The following RPS6KA2 variants were observed in gnomAD, a reference collection of about 807,000 sequenced individuals.
The protein encoded by RPS6KA2 is ribosomal protein S6 kinase A2, also known as ribosomal protein S6 kinase alpha-2.
A neutral mutation model predicts 91.8 loss-of-function variants in RPS6KA2; 42 were observed. The ratio of observed to expected loss-of-function variants is 0.46; its 90% CI spans 0.36 to 0.59. RPS6KA2 has a LOEUF of 0.59. Ranked by LOEUF, RPS6KA2 falls within the 20% of genes least tolerant of loss-of-function variation. The pLI is 0.00. For synonymous variants in RPS6KA2, 414 were observed against 393.6 expected (o/e 1.05, Z -0.61); for missense variants, 798 against 978.5 (o/e 0.82, Z 2.46).
intron 1 of RPS6KA2, among the ~76,000 whole-genome samples, chr6:166,562,979 G>A (rs1784386958): frequency 6.6e-6 from 1 of 152,238 alleles, no homozygotes; most frequent in South Asian, 2.1e-4. Context: ...AGACTGAGAA[G>A]GCGGCCGAGC....
intron 2 of RPS6KA2, among the ~76,000 whole-genome samples, chr6:166,761,669 CTAGTAGTTCACTTCCA>C (rs1450843247): frequency 1.4e-4 from 21 of 152,232 alleles, no homozygotes; most frequent in African/African-American, 4.8e-4. Context: ...TCTGAAAAAC[CTAGTAGTTCACTTCCA>C]TATCTTTGGA....
chr6:166,646,335 G>A (rs537094296), intron 2 of RPS6KA2, among the ~76,000 whole-genome samples: 5 of 152,290 alleles, frequency 3.3e-5, no homozygotes, highest in Admixed American at 1.3e-4. Context: ...GGACCCACAC[G>A]CCCACACGGC....
intron 7 of RPS6KA2, among the ~76,000 whole-genome samples, chr6:166,499,880 T>C (rs1781963239): frequency 6.6e-6 from 1 of 152,086 alleles, no homozygotes; most frequent in South Asian, 2.1e-4. Flanking sequence ...TACAGGGACT[T>C]TCAGAACAGA....
chr6:166,693,894 G>A (rs1789285646), intron 2 of RPS6KA2, among the ~76,000 whole-genome samples: 1 of 152,208 alleles, frequency 6.6e-6, no homozygotes, highest in African/African-American at 2.4e-5. Flanking sequence ...GTTTGCTGGT[G>A]AAGGCCAGAA....
intron 2 of RPS6KA2, among the ~76,000 whole-genome samples, chr6:166,814,807 G>A (rs1779720921): frequency 6.6e-6 from 1 of 152,158 alleles, no homozygotes; most frequent in Non-Finnish European, 1.5e-5. Context: ...CCCCCAGATG[G>A]GACCGTCTAG....
In RPS6KA2 at chr6:166,510,319, A is replaced by G; in HGVS notation, c.337T>C (p.Leu113=). 6.2e-7 allele frequency: 1 copy of G among 1,603,014 alleles called. No homozygotes were observed. Among genetic ancestry groups the G allele is most frequent in the Non-Finnish European group, 8.5e-7 (1 of 1,173,324 alleles). Residue 113 remains leucine, a synonymous_variant, in exon 4 of 21, where the codon TTG becomes CTG. Transcript: ENST00000265678. ...RVRSKMERDI[L]AEVNHPFIVK... ...ATGAAGGGGTGATTCACTTCTGCCA[A>G]GATGTCTCTCTCCATCTTCGATCTC... is the stretch of plus-strand genomic sequence containing the variant.
Position 166,665,943 on chromosome 6 carries a change from T to C in RPS6KA2, c.124-127159A>G, listed in dbSNP as rs1322665503. Among the ~76,000 whole-genome samples, 2 of 152,200 alleles carry C rather than the reference T, an allele frequency of 1.3e-5. No homozygotes were observed. The highest frequency in any genetic ancestry group is 1.3e-4 in the Admixed American group (2 of 15,274). On this transcript the variant is annotated intron_variant, in intron 2 of 21. Coordinates refer to the RPS6KA2 transcript ENST00000503859. The surrounding 1 kb of genome is among the most constrained non-coding windows in gnomAD (Gnocchi z 4.5). ...CCAGTTTCTGAGAGGCTCAGGAGCC[T>C]TCTTTGACATCATGATGATGAACCC...
At chr6:166,803,531 C>G (rs1027687202) in intron 2 of RPS6KA2, among the ~76,000 whole-genome samples, 1 of 152,348 alleles carries the variant, frequency 6.6e-6, no homozygotes, top group Admixed American at 6.5e-5. Flanking sequence ...TTTAGAGCCC[C>G]GGAAATCCCG....
rs550769610 is a variant in RPS6KA2, at chr6:166,439,596, C to T, written c.1333-7106G>A. Reference sequence around the variant, plus strand: ...CCTGGAGTGGCTGCCCTCACAGGGCCGTGCACACAGACAGTGAACAACCCA... The same window carrying T: ...CCTGGAGTGGCTGCCCTCACAGGGCTGTGCACACAGACAGTGAACAACCCA... On this transcript the variant is annotated intron_variant, in intron 14 of 20. Coordinates refer to ENST00000265678, the MANE Select transcript of RPS6KA2 (RefSeq NM_021135.6). Among the ~76,000 whole-genome samples the T allele has an allele frequency of 5.7e-4, 87 of 152,260 alleles. 1 individual carries two copies. The highest frequency in any genetic ancestry group is 1.7e-3 in the African/African-American group (69 of 41,538).
chr6:166,513,655 G>A (rs939522304), intron 3 of RPS6KA2, among the ~76,000 whole-genome samples: 15 of 152,314 alleles, frequency 9.8e-5, no homozygotes, highest in African/African-American at 3.4e-4. Context: ...GGGCAGCATG[G>A]ACTGTGGCAC....
chr6:166,638,430 C>G (rs1787318021), intron 2 of RPS6KA2, among the ~76,000 whole-genome samples: 1 of 152,130 alleles, frequency 6.6e-6, no homozygotes, highest in African/African-American at 2.4e-5. Flanking sequence ...AGTGACCAAG[C>G]AGATAAAAAA....
chr6:166,752,269 A>G (rs1050845207), intron 2 of RPS6KA2, among the ~76,000 whole-genome samples: 1 of 152,232 alleles, frequency 6.6e-6, no homozygotes, highest in African/African-American at 2.4e-5. Flanking sequence ...ACACAGAGTG[A>G]ACAGCCTCTG....
chr6:166,658,700 T>G (rs955986481), intron 2 of RPS6KA2, among the ~76,000 whole-genome samples: 1 of 152,204 alleles, frequency 6.6e-6, no homozygotes, highest in Non-Finnish European at 1.5e-5. Flanking sequence ...AGGGTTCGCC[T>G]GTGCAATTCA....
chr6:166,475,617 G>T (rs1780944314), intron 10 of RPS6KA2: 1 of 322,900 alleles, frequency 3.1e-6, no homozygotes, highest in Non-Finnish European at 6.5e-6. Context: ...CTGGAGGTCA[G>T]TGGCAGTGCC....
At chr6:166,467,087 C>T (rs1780562321) in intron 11 of RPS6KA2, among the ~76,000 whole-genome samples, 1 of 151,972 alleles carries the variant, frequency 6.6e-6, no homozygotes, top group African/African-American at 2.4e-5. Flanking sequence ...CACTCCCTCA[C>T]TCATTCACTC....
intron 2 of RPS6KA2, among the ~76,000 whole-genome samples, chr6:166,845,518 A>G (rs1780582770): frequency 6.6e-6 from 1 of 152,202 alleles, no homozygotes; most frequent in Non-Finnish European, 1.5e-5. Context: ...GTACTCTCTC[A>G]GACCACAGTG....
chr6:166,501,060 G>A (rs1298775867), intron 6 of RPS6KA2, 136 bp from the exon 7 acceptor site: 6 of 714,012 alleles, frequency 8.4e-6, no homozygotes, highest in Non-Finnish European at 1.4e-5. Context: ...TGGCCCAGGA[G>A]ATCCCCACGG....
intron 1 of RPS6KA2, among the ~76,000 whole-genome samples, chr6:166,556,981 C>A (rs1165501776): frequency 6.6e-6 from 1 of 152,230 alleles, no homozygotes; most frequent in East Asian, 1.9e-4. Flanking sequence ...GTGTTCTGGC[C>A]AAGTCCACGA....
chr6:166,512,103 A>T (rs1782494177), intron 3 of RPS6KA2, among the ~76,000 whole-genome samples: 1 of 152,144 alleles, frequency 6.6e-6, no homozygotes, highest in Admixed American at 6.5e-5. Flanking sequence ...ACACACATAC[A>T]CAAACACACA....
Sources: allele counts gnomAD v4.1 joint callset (sites outside exome capture counted in the v4.1 genomes callset), GRCh38; gene constraint gnomAD v4.1.1; non-coding constraint Gnocchi (gnomAD v3.1); transcripts MANE v1.5; gene names NCBI Gene and HGNC (gene_info 2026-07-23, HGNC 2026-07-21).